Variants in SLC44A3 observed in about 807,000 individuals in gnomAD.
The protein encoded by SLC44A3 is choline transporter-like protein 3.
In SLC44A3, 74 loss-of-function variants were observed where a neutral mutation model predicts 75.4. The ratio of observed to expected loss-of-function variants is 0.98; its 90% CI spans 0.81 to 1.19. The LOEUF is 1.19. Ranked by LOEUF, SLC44A3 falls within the 50% of genes most tolerant of loss-of-function variation. The pLI, the probability that SLC44A3 is intolerant of heterozygous loss-of-function variation, is 0.00. For missense variants in SLC44A3, 700 were observed against 778.6 expected, an observed-to-expected ratio of 0.90 and a Z score of 1.20; for synonymous variants, 310 against 296.9, an observed-to-expected ratio of 1.04 and a Z score of -0.45.
chr1:94,829,583 G>T (rs2100963585), intron 5 of SLC44A3, among the ~76,000 whole-genome samples: 1 of 152,274 alleles, frequency 6.6e-6, no homozygotes, highest in Admixed American at 6.5e-5. Flanking sequence ...CATGGCGAAT[G>T]GCTCATGTTT....
At chr1:94,894,742 A>T (rs1462617223) in intron 14 of SLC44A3, 76 bp from the exon 15 acceptor site, 10 of 1,211,210 alleles carry the variant, frequency 8.3e-6, no homozygotes, top group East Asian at 5.1e-5. Flanking sequence ...GGCAAAGGAG[A>T]AGTTTTCCCT....
intron 13 of SLC44A3, among the ~76,000 whole-genome samples, chr1:94,891,977 G>A (rs1670270487): frequency 6.6e-6 from 1 of 152,098 alleles, no homozygotes; most frequent in Admixed American, 6.6e-5. Flanking sequence ...GGCTTATTTT[G>A]GTGTTAAGTG....
intron 9 of SLC44A3, among the ~76,000 whole-genome samples, chr1:94,854,704 C>G (rs60588103): frequency 0.02 from 3,046 of 152,110 alleles, 99 homozygotes; most frequent in African/African-American, 0.071. Flanking sequence ...TTTGTCTAAA[C>G]CAATGGTTCT....
At chr1:94,892,620 C>A in intron 14 of SLC44A3, 103 bp downstream of exon 14, 1 of 1,146,532 alleles carries the variant, frequency 8.7e-7, no homozygotes, top group Non-Finnish European at 1.3e-6. Context: ...CCTCTCTCTT[C>A]TAGAGGGCTC....
At chr1:94,823,455 G>A (rs1399932549) in intron 2 of SLC44A3, among the ~76,000 whole-genome samples, 3 of 152,188 alleles carry the variant, frequency 2.0e-5, no homozygotes, top group African/African-American at 7.2e-5. Flanking sequence ...CCTTCCCCAG[G>A]AGGTCTGCAG....
At chr1:94,822,262 T>C (rs192177600) in intron 2 of SLC44A3, among the ~76,000 whole-genome samples, 2 of 152,302 alleles carry the variant, frequency 1.3e-5, no homozygotes, top group East Asian at 1.9e-4. Context: ...AGATGACCTA[T>C]CACAGCCTGA....
rs772229435 is a variant in SLC44A3 at position 94,821,020 on chromosome 1, A to G, written c.99A>G (p.Ala33=). The G allele has an allele frequency of 2.6e-6, 4 of 1,551,534 alleles. No individual in the cohort carries two copies. The South Asian group carries it at 3.6e-5, about 14-fold the overall frequency. ...PQIYRKCTDT[A]WLFLFFLFWT... is the part of the protein sequence containing the mutation. ...TTTATAGGAAATGCACAGATACGGC[A>G]TGGTTATTCCTGTTCTTTCTCTTTT... The change falls in exon 2 of 15, where the codon GCA becomes GCG. Residue 33 remains alanine (A), a synonymous_variant. Transcript: ENST00000271227.
intron 3 of SLC44A3, 101 bp from the exon 4 acceptor site, chr1:94,827,406 A>T: frequency 7.0e-7 from 1 of 1,425,580 alleles, no homozygotes; most frequent in Non-Finnish European, 9.8e-7. Context: ...TGCCTGGGTG[A>T]TCCCTGCATT....
intron 12 of SLC44A3, among the ~76,000 whole-genome samples, chr1:94,882,136 G>A (rs1311431037): frequency 6.6e-6 from 1 of 152,186 alleles, no homozygotes; most frequent in African/African-American, 2.4e-5. Flanking sequence ...CACAGTCTAA[G>A]TTTATCTTCT....
At chr1:94,828,608 C>T in intron 5 of SLC44A3, 22 bp downstream of exon 5, 1 of 1,608,656 alleles carries the variant, frequency 6.2e-7, no homozygotes, top group Middle Eastern at 1.7e-4. Flanking sequence ...CATACTTTTT[C>T]CTTAACTCTA....
At chr1:94,868,033 A>G (rs1291983945) in intron 12 of SLC44A3, among the ~76,000 whole-genome samples, 1 of 152,204 alleles carries the variant, frequency 6.6e-6, no homozygotes, top group African/African-American at 2.4e-5. Flanking sequence ...AGATTTCACC[A>G]GTCTTTCCTT....
At chr1:94,840,722 C>A (rs184479004) in intron 7 of SLC44A3, among the ~76,000 whole-genome samples, 1 of 152,226 alleles carries the variant, frequency 6.6e-6, no homozygotes, top group African/African-American at 2.4e-5. Context: ...CTTCTGAATG[C>A]GCACCTCACC....
chr1:94,837,418 A>G (rs1662967760), intron 5 of SLC44A3, among the ~76,000 whole-genome samples: 1 of 152,202 alleles, frequency 6.6e-6, no homozygotes, highest in Non-Finnish European at 1.5e-5. Context: ...AAAATATCAC[A>G]TTGTATACCT....
At chr1:94,848,685 A>G (rs1340960388) in intron 9 of SLC44A3, among the ~76,000 whole-genome samples, 2 of 151,952 alleles carry the variant, frequency 1.3e-5, no homozygotes, top group African/African-American at 4.8e-5. Flanking sequence ...CACTAGGGAG[A>G]GGTAGGGAAC....
chr1:94,879,256 G>A (rs901802354), intron 12 of SLC44A3, among the ~76,000 whole-genome samples: 3 of 151,564 alleles, frequency 2.0e-5, no homozygotes, highest in Non-Finnish European at 2.9e-5. Flanking sequence ...AAGGACGGCC[G>A]GGCGCAGTGG....
chr1:94,867,054 A>T (rs1048444652), intron 11 of SLC44A3, among the ~76,000 whole-genome samples: 1 of 150,996 alleles, frequency 6.6e-6, no homozygotes, highest in Non-Finnish European at 1.5e-5. Context: ...TTTTTTTTTT[A>T]CTGGAACCAG....
chr1:94,867,674 A>G (rs9432396), intron 12 of SLC44A3, among the ~76,000 whole-genome samples: 34,067 of 152,230 alleles, frequency 0.22, 3,927 homozygotes, highest in African/African-American at 0.28. Flanking sequence ...TTTGAATTTC[A>G]TATGATTTTT....
intron 12 of SLC44A3, among the ~76,000 whole-genome samples, chr1:94,872,104 T>A (rs1667821109): frequency 6.6e-6 from 1 of 152,212 alleles, no homozygotes; most frequent in African/African-American, 2.4e-5. Flanking sequence ...TATTTTTTTA[T>A]TTTTTATTTT....
At chr1:94,878,214 G>A (rs938126384) in intron 12 of SLC44A3, among the ~76,000 whole-genome samples, 3 of 151,906 alleles carry the variant, frequency 2.0e-5, no homozygotes, top group Admixed American at 1.3e-4. Context: ...CAACCTGGGC[G>A]ACAGCGAGAC....
Sources: allele counts gnomAD v4.1 joint callset (sites outside exome capture counted in the v4.1 genomes callset), GRCh38; gene constraint gnomAD v4.1.1; transcripts MANE v1.5; gene names NCBI Gene and HGNC (gene_info 2026-07-23, HGNC 2026-07-21).